Variants in WDR70 observed in about 807,000 individuals in gnomAD.
WDR70 encodes WD repeat-containing protein 70.
In WDR70, 53 loss-of-function variants were observed where a neutral mutation model predicts 88.6. The ratio of observed to expected loss-of-function variants is 0.60; its 90% confidence interval spans 0.48 to 0.75. WDR70 has a LOEUF of 0.75. Among genes scored for constraint, WDR70 ranks in the 30% least tolerant of loss-of-function variants. The pLI, the probability that WDR70 is intolerant of heterozygous loss-of-function variation, is 0.00. For missense variants in WDR70, 610 were observed against 823.2 expected (o/e 0.74, Z 3.17); for synonymous variants, 280 against 270.0 (o/e 1.04, Z -0.36).
chr5:37,677,588 T>G (rs1296254100), intron 10 of WDR70, among the ~76,000 whole-genome samples: 1 of 152,232 alleles, frequency 6.6e-6, no homozygotes, highest in African/African-American at 2.4e-5. Context: ...GATTGCACTG[T>G]GGTCTGAGAG....
At chr5:37,465,729 A>G (rs572358938) in intron 7 of WDR70, among the ~76,000 whole-genome samples, 2 of 149,144 alleles carry the variant, frequency 1.3e-5, no homozygotes, top group South Asian at 2.1e-4. Context: ...TAGAAAATAA[A>G]TGGGACTCAA....
chr5:37,704,412 G>T (rs938045256), intron 13 of WDR70, among the ~76,000 whole-genome samples: 1 of 152,158 alleles, frequency 6.6e-6, no homozygotes, highest in Non-Finnish European at 1.5e-5. Flanking sequence ...TAAATTAAGG[G>T]ATGTAGACAT....
At chr5:37,477,411 T>C (rs1378665309) in intron 7 of WDR70, among the ~76,000 whole-genome samples, 1 of 152,210 alleles carries the variant, frequency 6.6e-6, no homozygotes, top group Non-Finnish European at 1.5e-5. Context: ...CACATACTTA[T>C]TACCGTTTTT....
At chr5:37,687,900 T>C (rs1746658724) in intron 10 of WDR70, 2 of 677,376 alleles carry the variant, frequency 3.0e-6, no homozygotes, top group Non-Finnish European at 2.7e-6. Flanking sequence ...CCATCTCTTT[T>C]CTTCTCCAGA....
intron 10 of WDR70, among the ~76,000 whole-genome samples, chr5:37,664,521 C>G (rs1246626248): frequency 6.6e-6 from 1 of 152,220 alleles, no homozygotes; most frequent in Non-Finnish European, 1.5e-5. Flanking sequence ...AGCATCCTCA[C>G]CAGGCTTTAC....
chr5:37,686,817 C>T (rs971480120), intron 10 of WDR70, among the ~76,000 whole-genome samples: 19 of 151,330 alleles, frequency 1.3e-4, no homozygotes, highest in Middle Eastern at 3.4e-3. Flanking sequence ...TTTGTGCTTG[C>T]GTTTTCCATC....
intron 5 of WDR70, among the ~76,000 whole-genome samples, chr5:37,397,384 G>A (rs1408361096): frequency 1.8e-4 from 28 of 151,392 alleles, no homozygotes; most frequent in Admixed American, 1.7e-3. Context: ...CAGGAGAATC[G>A]CTTGAACCTG....
chr5:37,397,006 A>G (rs1036606890), intron 5 of WDR70, among the ~76,000 whole-genome samples: 1 of 152,068 alleles, frequency 6.6e-6, no homozygotes, highest in African/African-American at 2.4e-5. Context: ...GACGGGTGTT[A>G]TGGTGCGCAC....
intron 3 of WDR70, 33 bp from the exon 4 acceptor site, chr5:37,391,967 A>AT (rs751916404): frequency 1.4e-5 from 22 of 1,580,242 alleles, no homozygotes; most frequent in African/African-American, 1.4e-5. Flanking sequence ...AACCGTTGGG[A>AT]TTTTTTTGTT....
At chr5:37,475,398 C>T (rs1046416396) in intron 7 of WDR70, among the ~76,000 whole-genome samples, 1 of 151,800 alleles carries the variant, frequency 6.6e-6, no homozygotes, top group African/African-American at 2.4e-5. Context: ...CCATGCCCAG[C>T]TAATTTTTTT....
chr5:37,595,189 T>G (rs532875968), intron 9 of WDR70, among the ~76,000 whole-genome samples: 3 of 152,168 alleles, frequency 2.0e-5, no homozygotes, highest in East Asian at 3.9e-4. Context: ...TGAATAGGAG[T>G]GGTGAGAGAG....
chr5:37,749,955 C>CT (rs1474443834), intron 17 of WDR70, among the ~76,000 whole-genome samples: 7 of 151,742 alleles, frequency 4.6e-5, no homozygotes, highest in African/African-American at 1.7e-4. Context: ...TTCCTTGGTT[C>CT]TTTATTTTCT....
chr5:37,563,445 CT>C, intron 9 of WDR70, among the ~76,000 whole-genome samples: 1 of 57,998 alleles, frequency 1.7e-5, no homozygotes, highest in South Asian at 7.6e-4. Flanking sequence ...CCCCCACATC[CT>C]TCCCGGACGG....
chr5:37,672,981 C>T (rs1035562853), intron 10 of WDR70, among the ~76,000 whole-genome samples: 1 of 151,980 alleles, frequency 6.6e-6, no homozygotes, highest in Non-Finnish European at 1.5e-5. Flanking sequence ...GTTTGTTGTA[C>T]AGATTATTTT....
At chr5:37,592,387 T>A (rs1380895234) in intron 9 of WDR70, among the ~76,000 whole-genome samples, 3 of 152,224 alleles carry the variant, frequency 2.0e-5, no homozygotes, top group African/African-American at 7.2e-5. Context: ...TATATGTCAC[T>A]GATAAGCATT....
intron 5 of WDR70, among the ~76,000 whole-genome samples, chr5:37,404,136 T>C (rs1214730012): frequency 2.0e-5 from 3 of 152,224 alleles, no homozygotes; most frequent in African/African-American, 7.2e-5. Context: ...TGATTCAGTA[T>C]AACTGTAGTG....
rs1485470753 is a variant in WDR70, at chr5:37,752,759, A to G, written c.*186A>G. 1 of 529,268 alleles carries G rather than the reference A, an allele frequency of 1.9e-6. No homozygotes were observed. The highest frequency in any genetic ancestry group is 2.0e-5 in the African/African-American group (1 of 50,378). 32.8% of individuals were successfully genotyped at this position (529,268 alleles called of 1,614,324 possible). On this transcript the variant is annotated 3_prime_UTR_variant, in exon 18 of 18. Transcript: ENST00000265107. ...TTGTGCTTAAATTTTCTTACCTGCA[A>G]CTATTAAACTGATTACAGATAAACA...
chr5:37,527,343 T>A (rs1233935787), intron 9 of WDR70, among the ~76,000 whole-genome samples: 2 of 152,104 alleles, frequency 1.3e-5, no homozygotes, highest in African/African-American at 2.4e-5. Flanking sequence ...TCTACAACCA[T>A]CTGATCTTTG....
chr5:37,651,373 A>G (rs528012917), intron 10 of WDR70, among the ~76,000 whole-genome samples: 8 of 152,268 alleles, frequency 5.3e-5, no homozygotes, highest in Non-Finnish European at 1.0e-4. Flanking sequence ...ATTGATGGGC[A>G]TTTGGGCTGG....
Sources: allele counts gnomAD v4.1 joint callset (sites outside exome capture counted in the v4.1 genomes callset), GRCh38; gene constraint gnomAD v4.1.1; transcripts MANE v1.5; gene names NCBI Gene and HGNC (gene_info 2026-07-23, HGNC 2026-07-21).